The following DAP variants were observed in gnomAD, a reference collection of about 807,000 sequenced individuals.
DAP encodes death associated protein, also known as death-associated protein 1.
A neutral mutation model predicts 13.8 loss-of-function variants in DAP; 8 were observed. That is an observed-to-expected ratio of 0.58 (90% CI 0.34 to 1.05). The LOEUF (loss-of-function observed/expected upper bound fraction) is 1.05. DAP is among the 50% of genes least tolerant of loss of function. DAP has a pLI of 0.03. For synonymous variants in DAP, 47 were observed against 47.5 expected (o/e 0.99, Z 0.04); for missense variants, 106 against 133.2 (o/e 0.80, Z 1.01).
At chr5:10,748,779 G>A (rs1234514901) in intron 1 of DAP, among the ~76,000 whole-genome samples, 1 of 152,230 alleles carries the variant, frequency 6.6e-6, no homozygotes, top group Non-Finnish European at 1.5e-5. Context: ...AAACTGTGCT[G>A]TGAAACCCTA....
intron 2 of DAP, among the ~76,000 whole-genome samples, chr5:10,736,099 G>A (rs909041243): frequency 1.3e-5 from 2 of 152,312 alleles, no homozygotes; most frequent in African/African-American, 4.8e-5. Flanking sequence ...GCAGCAGAGT[G>A]AGGCTGCCAC....
intron 2 of DAP, among the ~76,000 whole-genome samples, chr5:10,718,329 C>T (rs1260322469): frequency 6.6e-6 from 1 of 152,090 alleles, no homozygotes; most frequent in Non-Finnish European, 1.5e-5. Flanking sequence ...GTGGTCAATC[C>T]CCCAGTGCCA....
chr5:10,757,121 G>T (rs1309349087), intron 1 of DAP, among the ~76,000 whole-genome samples: 1 of 152,136 alleles, frequency 6.6e-6, no homozygotes. Flanking sequence ...TTTACAAACT[G>T]CCTCATTCGT....
At chr5:10,722,573 C>T (rs62338817) in intron 2 of DAP, among the ~76,000 whole-genome samples, 25,547 of 145,936 alleles carry the variant, frequency 0.18, 2,505 homozygotes, top group East Asian at 0.29. Context: ...TATATACATA[C>T]ATACATATAT....
rs1740350907 is a variant in DAP at position 10,761,206 on chromosome 5, G to A, written c.-138C>T. ...CGCGCGCGCGTGGGGCGCCGGGGCC[G>A]CGCGAGCCGGGTGAGTGCCACTGCC... On this transcript the variant is annotated 5_prime_UTR_variant, in exon 1 of 4. Transcript: ENST00000230895. The A allele has an allele frequency of 9.5e-6, 3 of 316,076 alleles. No homozygotes were observed. The highest frequency in any genetic ancestry group is 1.1e-4 in the Admixed American group (2 of 17,504). 19.6% of individuals were successfully genotyped at this position (316,076 alleles called of 1,614,324 possible). A position where few individuals can be genotyped will look rare whatever the true frequency, so the allele number is the denominator to read the frequency against.
chr5:10,729,883 C>G (rs1170461998), intron 2 of DAP, among the ~76,000 whole-genome samples: 1 of 152,256 alleles, frequency 6.6e-6, no homozygotes, highest in African/African-American at 2.4e-5. Flanking sequence ...CCAGCATGCA[C>G]TTGTGGGCCC....
At chr5:10,738,935 G>A (rs1170094907) in intron 2 of DAP, among the ~76,000 whole-genome samples, 2 of 151,508 alleles carry the variant, frequency 1.3e-5, no homozygotes, top group African/African-American at 4.9e-5. Context: ...GGGTGCAGTG[G>A]CTCATGCCTG....
intron 2 of DAP, among the ~76,000 whole-genome samples, chr5:10,724,178 A>G (rs1398424494): frequency 6.6e-6 from 1 of 152,222 alleles, no homozygotes; most frequent in East Asian, 1.9e-4. Flanking sequence ...ATTTATAAAT[A>G]CCTACCCAGG....
At chr5:10,756,263 C>T (rs1740179186) in intron 1 of DAP, among the ~76,000 whole-genome samples, 1 of 140,632 alleles carries the variant, frequency 7.1e-6, no homozygotes, top group Non-Finnish European at 1.5e-5. Flanking sequence ...GGAACAAGGG[C>T]AGACCTCTTA....
intron 2 of DAP, among the ~76,000 whole-genome samples, chr5:10,695,266 C>G (rs1579789262): frequency 6.6e-6 from 1 of 152,210 alleles, no homozygotes; most frequent in African/African-American, 2.4e-5. Flanking sequence ...CCCGCGAACG[C>G]TCCGGCCAGC....
chr5:10,717,912 G>C (rs1046229549), intron 2 of DAP, among the ~76,000 whole-genome samples: 3 of 152,154 alleles, frequency 2.0e-5, no homozygotes, highest in African/African-American at 7.2e-5. Context: ...AGGTGAAATG[G>C]ATAAAAGACT....
intron 2 of DAP, among the ~76,000 whole-genome samples, chr5:10,732,783 T>C (rs1739498162): frequency 6.6e-6 from 1 of 152,242 alleles, no homozygotes; most frequent in Non-Finnish European, 1.5e-5. Context: ...TTTTTTGTTT[T>C]AAAAATATTT....
chr5:10,696,278 A>G (rs912323886), intron 2 of DAP, among the ~76,000 whole-genome samples: 1 of 152,146 alleles, frequency 6.6e-6, no homozygotes, highest in Admixed American at 6.5e-5. Flanking sequence ...AGAAGCGACC[A>G]CATCTGAGGG....
intron 2 of DAP, among the ~76,000 whole-genome samples, chr5:10,706,742 T>A (rs1316949190): frequency 6.6e-6 from 1 of 152,188 alleles, no homozygotes; most frequent in East Asian, 1.9e-4. Context: ...AGAAACAGTA[T>A]CCAAATTTAA....
intron 2 of DAP, among the ~76,000 whole-genome samples, chr5:10,737,831 T>G (rs1225663352): frequency 6.6e-6 from 1 of 152,238 alleles, no homozygotes; most frequent in East Asian, 1.9e-4. Flanking sequence ...TATTTGGAAG[T>G]GGGATCTTTA....
chr5:10,734,790 T>C (rs948191893), intron 2 of DAP, among the ~76,000 whole-genome samples: 5 of 152,370 alleles, frequency 3.3e-5, no homozygotes, highest in East Asian at 1.9e-4. Flanking sequence ...GGCAGTCCCA[T>C]GTGCTTAAGA....
At chr5:10,727,311 A>G (rs1167312629) in intron 2 of DAP, among the ~76,000 whole-genome samples, 1 of 152,144 alleles carries the variant, frequency 6.6e-6, no homozygotes, top group African/African-American at 2.4e-5. Flanking sequence ...CCACAGTGTC[A>G]TGAGAGGGGA....
chr5:10,712,160 CTGTT>C (rs1178088905), intron 2 of DAP, among the ~76,000 whole-genome samples: 1 of 152,152 alleles, frequency 6.6e-6, no homozygotes, highest in Non-Finnish European at 1.5e-5. Flanking sequence ...AGAGAGAAGA[CTGTT>C]TGAGGACACA....
At chr5:10,718,896 C>A (rs1421777497) in intron 2 of DAP, among the ~76,000 whole-genome samples, 2 of 152,186 alleles carry the variant, frequency 1.3e-5, no homozygotes, top group Admixed American at 6.5e-5. Context: ...TTCGGAGAGA[C>A]CTTGATTGCT....
Sources: allele counts gnomAD v4.1 joint callset (sites outside exome capture counted in the v4.1 genomes callset), GRCh38; gene constraint gnomAD v4.1.1; transcripts MANE v1.5; gene names NCBI Gene and HGNC (gene_info 2026-07-23, HGNC 2026-07-21).